Variants in SYNE1 observed in about 807,000 individuals in gnomAD.
SYNE1 encodes nesprin-1.
In SYNE1, 616 loss-of-function variants were observed where a neutral mutation model predicts 1,111.0. That is an observed-to-expected ratio of 0.55 (90% CI 0.52 to 0.59). The LOEUF is 0.59. Among genes scored for constraint, SYNE1 ranks in the 20% least tolerant of loss-of-function variants. The pLI, the probability that SYNE1 is intolerant of heterozygous loss-of-function variation, is 0.00. For missense variants in SYNE1, 10,006 were observed against 10,417.0 expected (o/e 0.96, Z 1.72); for synonymous variants, 3,855 against 3,825.8 (o/e 1.01, Z -0.28).
intron 63 of SYNE1, chr6:152,363,582 T>C (rs1439233124): frequency 5.9e-6 from 1 of 170,258 alleles, no homozygotes; most frequent in Non-Finnish European, 1.3e-5. Flanking sequence ...TCTGCCTAAT[T>C]GTACTACCAG....
intron 126 of SYNE1, among the ~76,000 whole-genome samples, chr6:152,203,700 T>C (rs1484119931): frequency 2.0e-5 from 3 of 152,184 alleles, no homozygotes; most frequent in African/African-American, 7.2e-5. Flanking sequence ...CAGTGTTGAC[T>C]AAAGTGCCCC....
chr6:152,553,274 T>G (rs2099353985), intron 3 of SYNE1, among the ~76,000 whole-genome samples: 1 of 152,144 alleles, frequency 6.6e-6, no homozygotes, highest in Admixed American at 6.5e-5. Context: ...TACTCTCACG[T>G]CCAAATTGCC....
intron 3 of SYNE1, among the ~76,000 whole-genome samples, chr6:152,544,769 C>T (rs1026334165): frequency 6.6e-6 from 1 of 152,164 alleles, no homozygotes; most frequent in African/African-American, 2.4e-5. Flanking sequence ...CTAATAGTCA[C>T]CTGCGGGTAC....
At chr6:152,207,841 G>T in intron 125 of SYNE1, 131 bp downstream of exon 125, 1 of 865,796 alleles carries the variant, frequency 1.2e-6, no homozygotes. Flanking sequence ...GTATATTTCT[G>T]TTGACATTTG....
At chr6:152,280,124 C>T (rs1323780971) in intron 97 of SYNE1, among the ~76,000 whole-genome samples, 7 of 152,164 alleles carry the variant, frequency 4.6e-5, no homozygotes, top group Non-Finnish European at 1.0e-4. Context: ...AAGGACATCA[C>T]GTGGTTCCAA....
chr6:152,256,700 T>G lies in SYNE1; in HGVS notation c.19038A>C (p.Gln6346His). 3 of 1,614,114 alleles carry G rather than the reference T, an allele frequency of 1.9e-6. No homozygotes were observed. Among genetic ancestry groups the G allele is most frequent in the Non-Finnish European group, 2.5e-6 (3 of 1,179,968 alleles). Residue 6346 changes from glutamine to histidine, a missense_variant, in exon 102 of 146, where the codon CAA (glutamine) becomes CAC (histidine). By Grantham distance (24) the Gln-to-His change is conservative. Transcript: ENST00000367255. ...GCAAAGATGTAACTGCAGATTTATC[T>G]TGGGTTGGCACGTCCCCTTTGTACA... ...VPLYKGDVPT[Q>H]DKSAVTSLLD...
intron 6 of SYNE1, among the ~76,000 whole-genome samples, chr6:152,516,837 T>G (rs2099114684): frequency 6.6e-6 from 1 of 152,090 alleles, no homozygotes; most frequent in Non-Finnish European, 1.5e-5. Context: ...TCACCTACCC[T>G]TCCCTCCCAA....
At chr6:152,574,367 G>A (rs1402195747) in intron 3 of SYNE1, among the ~76,000 whole-genome samples, 1 of 151,956 alleles carries the variant, frequency 6.6e-6, no homozygotes, top group Admixed American at 6.5e-5. Context: ...CCTCTGCAAA[G>A]GCATCCCCAA....
intron 29 of SYNE1, among the ~76,000 whole-genome samples, chr6:152,446,091 A>G (rs905139263): frequency 6.7e-6 from 1 of 150,168 alleles, no homozygotes; most frequent in Non-Finnish European, 1.5e-5. Context: ...ACTGACTTCT[A>G]ACTTTAAAGA....
At chr6:152,465,760 A>AACACACACACACACACAC (rs113781129) in intron 17 of SYNE1, among the ~76,000 whole-genome samples, 130 of 133,318 alleles carry the variant, frequency 9.8e-4, no homozygotes, top group African/African-American at 3.3e-3. Flanking sequence ...CTCTTAGAAG[A>AACACACACACACACACAC]ACACATACAC....
chr6:152,409,490 A>G, intron 43 of SYNE1, 69 bp downstream of exon 43: 1 of 1,581,474 alleles, frequency 6.3e-7, no homozygotes. Flanking sequence ...TAGTGCAGAT[A>G]ACTGCTTTAT....
At chr6:152,615,638 C>T (rs2099643882) in intron 3 of SYNE1, among the ~76,000 whole-genome samples, 1 of 152,156 alleles carries the variant, frequency 6.6e-6, no homozygotes, top group Non-Finnish European at 1.5e-5. Flanking sequence ...TGTACACATG[C>T]ATTTCCAGTC....
chr6:152,225,486 T>C (rs2081371561), intron 116 of SYNE1, among the ~76,000 whole-genome samples: 1 of 151,570 alleles, frequency 6.6e-6, no homozygotes, highest in Non-Finnish European at 1.5e-5. Flanking sequence ...TCTATTGCCA[T>C]GGGAATGGAT....
chr6:152,611,258 G>A (rs373407790), intron 3 of SYNE1, among the ~76,000 whole-genome samples: 28 of 152,050 alleles, frequency 1.8e-4, no homozygotes, highest in East Asian at 1.2e-3. Context: ...CCCATCTCAC[G>A]TGCAGAGACA....
At chr6:152,603,092 G>A (rs2099600119) in intron 3 of SYNE1, among the ~76,000 whole-genome samples, 1 of 152,158 alleles carries the variant, frequency 6.6e-6, no homozygotes, top group East Asian at 1.9e-4. Flanking sequence ...GCCTGCAGGT[G>A]AAATAATCAT....
intron 11 of SYNE1, among the ~76,000 whole-genome samples, chr6:152,495,121 G>A (rs1484570413): frequency 3.9e-5 from 6 of 152,090 alleles, no homozygotes; most frequent in Non-Finnish European, 8.8e-5. Context: ...TTTCCATCAT[G>A]GAAATCTATC....
In SYNE1 at chr6:152,255,821, C is replaced by T. The variant is rs191911503; in HGVS notation, c.19105-75G>A. On this transcript the variant is annotated intron_variant, in intron 102 of 145. Transcript: ENST00000367255. ...TCCAGGAAAAATATCAGGATGGGGC[C>T]GGTGCAGTGCTCACACCTGTAATCT... 2.9e-4 allele frequency: 439 copies of T among 1,517,628 alleles called. 1 individual carries two copies. The highest frequency in any genetic ancestry group is 3.6e-4 in the Non-Finnish European group (391 of 1,095,660). The allele number at this position is 1,517,628 out of a possible 1,614,324, so 94.0% of individuals were successfully genotyped here.
chr6:152,301,791 G>C, intron 92 of SYNE1, 78 bp downstream of exon 92: 2 of 1,453,886 alleles, frequency 1.4e-6, no homozygotes, highest in Non-Finnish European at 1.8e-6. Context: ...CCTGAAATCA[G>C]CCACGGAGAG....
chr6:152,326,236 C>T (rs2096064651), intron 79 of SYNE1, 60 bp downstream of exon 79: 7 of 1,612,258 alleles, frequency 4.3e-6, no homozygotes, highest in South Asian at 1.1e-5. Context: ...TCGTGTATTA[C>T]TACTTTCAGT....
Sources: allele counts gnomAD v4.1 joint callset (sites outside exome capture counted in the v4.1 genomes callset), GRCh38; gene constraint gnomAD v4.1.1; transcripts MANE v1.5; gene names NCBI Gene and HGNC (gene_info 2026-07-23, HGNC 2026-07-21).